The following TAF15 variants were observed in gnomAD, a reference collection of about 807,000 sequenced individuals.
TAF15 encodes TATA-binding protein-associated factor 2N.
A neutral mutation model predicts 102.5 loss-of-function variants in TAF15; 37 were observed. The ratio of observed to expected loss-of-function variants is 0.36; its 90% confidence interval spans 0.28 to 0.47. TAF15 has a LOEUF of 0.47. Ranked by LOEUF, TAF15 falls within the 20% of genes least tolerant of loss-of-function variation. The pLI is 0.99. For synonymous variants in TAF15, 273 were observed against 259.2 expected, an observed-to-expected ratio of 1.05 and a Z score of -0.51; for missense variants, 652 against 760.7, an observed-to-expected ratio of 0.86 and a Z score of 1.68.
chr17:35,817,129 T>A (rs2087205410), intron 1 of TAF15: 1 of 152,520 alleles, frequency 6.6e-6, no homozygotes, highest in African/African-American at 2.4e-5. Context: ...ATTGCTAAAT[T>A]GAAGCTACAA....
At position 35,809,708 on chromosome 17, in the gene TAF15, C is replaced by T. The variant is rs1568235331; in HGVS notation, c.7+132C>T. ...GGGAGGCTTGGGGTGGGGGGGCGGC[C>T]GCTGCCGCCGCCATGTTGAACTGGA... is the stretch of plus-strand genomic sequence containing the variant. On this transcript the variant is annotated intron_variant, in intron 1 of 15. Coordinates refer to ENST00000605844, the MANE Select transcript of TAF15 (RefSeq NM_139215.3). 11 of 1,234,986 alleles carry T rather than the reference C, an allele frequency of 8.9e-6. 1 individual carries two copies. Among genetic ancestry groups the T allele is most frequent in the East Asian group, 7.4e-5 (3 of 40,614 alleles). 76.5% of individuals were successfully genotyped at this position (1,234,986 alleles called of 1,614,324 possible). A position where few individuals can be genotyped will look rare whatever the true frequency, so the allele number is the denominator to read the frequency against.
chr17:35,838,391 A>C (rs778427202), intron 10 of TAF15, 33 bp from the exon 11 acceptor site: 24 of 1,613,296 alleles, frequency 1.5e-5, no homozygotes, highest in Non-Finnish European at 2.0e-5. Context: ...TATTTTAAAA[A>C]TGCTAACACC....
chr17:35,825,132 G>A (rs918068928), intron 7 of TAF15, among the ~76,000 whole-genome samples: 1 of 152,190 alleles, frequency 6.6e-6, no homozygotes, highest in African/African-American at 2.4e-5. Flanking sequence ...GAGGTGACCT[G>A]AGAAACAACC....
At chr17:35,832,420 T>C (rs183320697) in intron 7 of TAF15, among the ~76,000 whole-genome samples, 210 of 152,306 alleles carry the variant, frequency 1.4e-3, no homozygotes, top group Non-Finnish European at 2.6e-3. Context: ...TAAGTGGAAA[T>C]ATTTTTACCT....
intron 8 of TAF15, chr17:35,834,239 T>A: frequency 2.6e-6 from 1 of 380,094 alleles, no homozygotes; most frequent in Non-Finnish European, 4.6e-6. Flanking sequence ...AATTTGTTCT[T>A]ATAAAGGTAG....
chr17:35,811,250 C>T lies in TAF15; in HGVS notation c.7+1674C>T, dbSNP rs1263415548. ...TTAGTGGTTTGCTATTTGTAAAATACAGGCTTTTTCATGTATCATATAAGC... is the reference window on the plus strand; with the variant it reads ...TTAGTGGTTTGCTATTTGTAAAATATAGGCTTTTTCATGTATCATATAAGC... On this transcript the variant is annotated intron_variant, in intron 1 of 15. Transcript: ENST00000605844. The T allele has an allele frequency of 3.3e-5, 5 of 152,188 alleles. No homozygotes were observed. The East Asian group carries it at 9.6e-4, about 29-fold the overall frequency. The allele number at this position is 152,188 out of a possible 1,614,324, so 9.4% of individuals were successfully genotyped here. A position where few individuals can be genotyped will look rare whatever the true frequency, so the allele number is the denominator to read the frequency against.
chr17:35,823,106 A>C (rs1360195006), intron 6 of TAF15, among the ~76,000 whole-genome samples: 5 of 152,026 alleles, frequency 3.3e-5, no homozygotes, highest in Non-Finnish European at 7.4e-5. Flanking sequence ...TGCTGGTACC[A>C]GTTCTTTTGG....
At position 35,844,526 on chromosome 17, in the gene TAF15, G is replaced by T; in HGVS notation, c.1227G>T (p.Gly409=). The change falls in exon 15 of 16, where the codon GGG becomes GGT. Residue 409 remains glycine (G), a synonymous_variant. Transcript: ENST00000605844. ...YGGERGYRGR[G]GRGGDRGGYG... ...GAGAGAGGGGCTACAGAGGTCGTGG[G>T]GGCAGAGGTGGAGACCGAGGCGGCT... 2 of 1,610,476 alleles carry T rather than the reference G, an allele frequency of 1.2e-6. No individual in the cohort carries two copies. The highest frequency in any genetic ancestry group is 3.3e-5 in the Admixed American group (2 of 59,886).
rs1440860624 is a variant in TAF15, at chr17:35,844,547, CGGCTATGGTGGAGACAGAAGTGGGGGT to C, written c.1269_1295del (p.Gly424_Ser432del). On this transcript the variant is annotated inframe_deletion, in exon 15 of 16. Coordinates refer to ENST00000605844, the MANE Select transcript of TAF15 (RefSeq NM_139215.3). ...GTGGGGGCAGAGGTGGAGACCGAGG[CGGCTATGGTGGAGACAGAAGTGGGGGT>C]GGCTATGGTGGAGACAGAAGCAGCG... The C allele has an allele frequency of 1.3e-4, 202 of 1,601,026 alleles. No individual in the cohort carries two copies. Among genetic ancestry groups the C allele is most frequent in the South Asian group, 6.1e-4 (55 of 90,310 alleles).
At chr17:35,845,429 T>A (rs1568285793) in intron 15 of TAF15, among the ~76,000 whole-genome samples, 2 of 152,116 alleles carry the variant, frequency 1.3e-5, no homozygotes, top group South Asian at 2.1e-4. Context: ...CAATTTTTTT[T>A]ATTTTCTGTA....
chr17:35,817,426 C>T (rs905781275), intron 1 of TAF15: 8 of 385,086 alleles, frequency 2.1e-5, no homozygotes, highest in African/African-American at 1.6e-4. Context: ...AATAATATTG[C>T]TTAAGGTCTT....
rs1355897008 is a variant in TAF15 at position 35,842,363 on chromosome 17, T to A, written c.914-4T>A. On this transcript the variant is annotated splice_region_variant and splice_polypyrimidine_tract_variant and intron_variant, in intron 11 of 15. Transcript: ENST00000605844. The stretch of plus-strand genomic sequence containing the variant: ...TGCTTCAAAGCTGATTTCTTTTTTC[T>A]TAGGAAAAGAATTCCATGGCAACAT... 6.2e-7 allele frequency: 1 copy of A among 1,612,286 alleles called. No individual in the cohort carries two copies. The highest frequency in any genetic ancestry group is 2.2e-5 in the East Asian group (1 of 44,886).
At chr17:35,817,434 C>A in intron 1 of TAF15, 1 of 412,976 alleles carries the variant, frequency 2.4e-6, no homozygotes, top group South Asian at 2.8e-5. Flanking sequence ...TGCTTAAGGT[C>A]TTGAGTCTGT....
chr17:35,827,335 CAAAAAAAAA>C (rs745381454), intron 7 of TAF15, among the ~76,000 whole-genome samples: 6 of 67,120 alleles, frequency 8.9e-5, no homozygotes, highest in Admixed American at 8.2e-4. Flanking sequence ...GACTCCGTCG[CAAAAAAAAA>C]AAAAAAAATA....
intron 1 of TAF15, chr17:35,816,842 T>TG: frequency 7.0e-6 from 1 of 143,252 alleles, no homozygotes; most frequent in African/African-American, 2.7e-5. Flanking sequence ...TTTTTTTTTT[T>TG]TGAGAAGTGT....
intron 7 of TAF15, among the ~76,000 whole-genome samples, chr17:35,826,382 G>A (rs1259454265): frequency 6.6e-6 from 1 of 152,072 alleles, no homozygotes; most frequent in Non-Finnish European, 1.5e-5. Context: ...TTGGCAAGCT[G>A]TGTGAAAGGC....
At chr17:35,836,651 C>T (rs1408712865) in intron 10 of TAF15, among the ~76,000 whole-genome samples, 1 of 152,104 alleles carries the variant, frequency 6.6e-6, no homozygotes, top group Non-Finnish European at 1.5e-5. Flanking sequence ...TTCACTAAAG[C>T]GTCTTTTGCA....
chr17:35,823,741 G>A (rs200973629), intron 6 of TAF15: 1 of 305,026 alleles, frequency 3.3e-6, no homozygotes, highest in East Asian at 8.0e-5. Context: ...TTGGGGTCGT[G>A]CTTTTCATCT....
At chr17:35,815,848 C>T (rs1428676924) in intron 1 of TAF15, among the ~76,000 whole-genome samples, 1 of 152,158 alleles carries the variant, frequency 6.6e-6, no homozygotes, top group Non-Finnish European at 1.5e-5. Context: ...AGCTACAACT[C>T]TAGCTATCTT....
Sources: allele counts gnomAD v4.1 joint callset (sites outside exome capture counted in the v4.1 genomes callset), GRCh38; gene constraint gnomAD v4.1.1; transcripts MANE v1.5; gene names NCBI Gene and HGNC (gene_info 2026-07-23, HGNC 2026-07-21).